PXDNL: variants seen among roughly 807,000 people sequenced by gnomAD.
The protein encoded by PXDNL is peroxidasin like.
Under a neutral mutation model 150.8 loss-of-function variants are expected in PXDNL, and 145 were observed. The observed-to-expected ratio is 0.96, with a 90% CI of 0.84 to 1.10. The LOEUF (loss-of-function observed/expected upper bound fraction) is 1.10, where lower values mean the gene tolerates loss of function less well. PXDNL is among the 50% of genes least tolerant of loss of function. The probability of loss-of-function intolerance (pLI) is 0.00; values close to 1 mark genes in which losing one functional copy is unlikely to be tolerated. For missense variants in PXDNL, 2,087 were observed against 1,873.9 expected (o/e 1.11, Z -2.10); for synonymous variants, 757 against 725.7 (o/e 1.04, Z -0.69).
At chr8:51,374,758 A>G in intron 17 of PXDNL, 27 bp from the exon 18 acceptor site, 1 of 1,606,160 alleles carries the variant, frequency 6.2e-7, no homozygotes, top group Non-Finnish European at 8.5e-7. Context: ...CAGACAGCGC[A>G]CACCTGAGAC....
intron 9 of PXDNL, among the ~76,000 whole-genome samples, chr8:51,457,093 G>A (rs1395481644): frequency 3.3e-5 from 5 of 152,208 alleles, no homozygotes; most frequent in Non-Finnish European, 7.3e-5. Flanking sequence ...AAGGAACGTG[G>A]TTGATAACCA....
intron 5 of PXDNL, among the ~76,000 whole-genome samples, chr8:51,495,458 C>A (rs200865900): frequency 1.3e-5 from 2 of 151,922 alleles, no homozygotes; most frequent in Admixed American, 1.3e-4. Flanking sequence ...AATAGAGACA[C>A]AAAAAACCCT....
At chr8:51,686,124 T>G (rs1440341441) in intron 1 of PXDNL, among the ~76,000 whole-genome samples, 5 of 152,246 alleles carry the variant, frequency 3.3e-5, no homozygotes, top group Non-Finnish European at 7.3e-5. Context: ...GTGTAATCTC[T>G]GTCCTCAGTT....
At chr8:51,622,354 T>G (rs1165254009) in intron 2 of PXDNL, among the ~76,000 whole-genome samples, 1 of 152,176 alleles carries the variant, frequency 6.6e-6, no homozygotes, top group Non-Finnish European at 1.5e-5. Flanking sequence ...CCCACAGAAC[T>G]GTGAGCTAAT....
chr8:51,597,651 TTGTGTG>T lies in PXDNL; in HGVS notation c.237-4959_237-4954del, dbSNP rs71550272. On this transcript the variant is annotated intron_variant, in intron 2 of 22. Transcript: ENST00000356297. Reference sequence around the variant, plus strand: ...CTTTGTTAGATATATCTCTAAGTATTTGTGTGTGTGTGTGTGTGTGTTTATGTGTGT... The same window carrying T: ...CTTTGTTAGATATATCTCTAAGTATTTGTGTGTGTGTGTGTTTATGTGTGT... Among the ~76,000 whole-genome samples the T allele has an allele frequency of 7.7e-4, 116 of 149,912 alleles. 1 individual carries two copies. The highest frequency in any genetic ancestry group is 2.7e-3 in the African/African-American group (110 of 40,968).
chr8:51,352,573 C>T (rs1182654062), intron 19 of PXDNL, among the ~76,000 whole-genome samples: 1 of 152,166 alleles, frequency 6.6e-6, no homozygotes, highest in Non-Finnish European at 1.5e-5. Flanking sequence ...CCCCTTTGCT[C>T]TCTCTTCCTC....
chr8:51,380,656 C>G (rs1041226663), intron 17 of PXDNL, among the ~76,000 whole-genome samples: 1 of 151,954 alleles, frequency 6.6e-6, no homozygotes, highest in Admixed American at 6.6e-5. Context: ...TTATCTTTTT[C>G]TTATGTTATT....
intron 1 of PXDNL, among the ~76,000 whole-genome samples, chr8:51,790,661 C>T (rs1394342948): frequency 6.6e-6 from 1 of 151,964 alleles, no homozygotes; most frequent in Non-Finnish European, 1.5e-5. Context: ...ACTGTCCTCC[C>T]TGATGGGCGA....
intron 2 of PXDNL, among the ~76,000 whole-genome samples, chr8:51,653,430 A>T (rs1168948812): frequency 6.6e-6 from 1 of 152,140 alleles, no homozygotes; most frequent in Non-Finnish European, 1.5e-5. Context: ...AGAAAAAAAT[A>T]ATAATAATCA....
chr8:51,748,469 G>A (rs1219323559), intron 1 of PXDNL, among the ~76,000 whole-genome samples: 1 of 152,192 alleles, frequency 6.6e-6, no homozygotes, highest in African/African-American at 2.4e-5. Flanking sequence ...GGGCAGAAAG[G>A]CAGGTGGGGT....
intron 4 of PXDNL, among the ~76,000 whole-genome samples, chr8:51,524,916 C>G (rs1811735990): frequency 6.6e-6 from 1 of 152,146 alleles, no homozygotes; most frequent in Non-Finnish European, 1.5e-5. Flanking sequence ...GTTAGAAATG[C>G]AAAAGTTCCA....
At chr8:51,568,839 T>A (rs979524676) in intron 3 of PXDNL, among the ~76,000 whole-genome samples, 1 of 151,844 alleles carries the variant, frequency 6.6e-6, no homozygotes, top group South Asian at 2.1e-4. Flanking sequence ...TATTAACATA[T>A]CACCAAGGTC....
At chr8:51,366,965 G>A (rs1806939792) in intron 19 of PXDNL, among the ~76,000 whole-genome samples, 2 of 151,864 alleles carry the variant, frequency 1.3e-5, no homozygotes, top group African/African-American at 4.8e-5. Flanking sequence ...GCTGGGTGTG[G>A]TGGTGGGCAC....
intron 19 of PXDNL, among the ~76,000 whole-genome samples, chr8:51,364,502 C>A (rs1231916432): frequency 1.3e-5 from 2 of 151,872 alleles, no homozygotes; most frequent in African/African-American, 2.4e-5. Context: ...TATTTTTTTT[C>A]CTTGCTTATA....
At chr8:51,424,814 A>G (rs1297154520) in intron 13 of PXDNL, among the ~76,000 whole-genome samples, 2 of 152,212 alleles carry the variant, frequency 1.3e-5, no homozygotes, top group Admixed American at 1.3e-4. Flanking sequence ...GAGTGTAACC[A>G]TGAACGTTTA....
intron 19 of PXDNL, among the ~76,000 whole-genome samples, chr8:51,349,874 CTG>C (rs1806282662): frequency 6.6e-6 from 1 of 152,090 alleles, no homozygotes; most frequent in African/African-American, 2.4e-5. Context: ...AAAAATATAT[CTG>C]ATTTTTATTT....
intron 22 of PXDNL, 35 bp downstream of exon 22, chr8:51,320,749 A>AC (rs764219404): frequency 5.0e-6 from 7 of 1,403,156 alleles, no homozygotes; most frequent in South Asian, 1.2e-5. Flanking sequence ...TAGAAGTGAA[A>AC]TGGGGAGTTG....
At chr8:51,801,235 G>A (rs2037616380) in intron 1 of PXDNL, among the ~76,000 whole-genome samples, 1 of 152,140 alleles carries the variant, frequency 6.6e-6, no homozygotes, top group Admixed American at 6.5e-5. Flanking sequence ...GTCTCCTGCA[G>A]TACCCTCAGG....
intron 1 of PXDNL, among the ~76,000 whole-genome samples, chr8:51,752,200 G>T (rs1158541064): frequency 2.0e-5 from 3 of 152,116 alleles, no homozygotes; most frequent in Non-Finnish European, 4.4e-5. Flanking sequence ...AATTCAGTGG[G>T]TCCAGGTGCT....
Sources: allele counts gnomAD v4.1 joint callset (sites outside exome capture counted in the v4.1 genomes callset), GRCh38; gene constraint gnomAD v4.1.1; transcripts MANE v1.5; gene names NCBI Gene and HGNC (gene_info 2026-07-23, HGNC 2026-07-21).